Variants in CSMD2 observed in about 807,000 individuals in gnomAD.
CSMD2 encodes CUB and Sushi multiple domains 2, also known as CUB and sushi domain-containing protein 2.
A neutral mutation model predicts 398.5 loss-of-function variants in CSMD2; 130 were observed. That is an observed-to-expected ratio of 0.33 (90% CI 0.28 to 0.38). The LOEUF is 0.38. CSMD2 is among the 10% of genes least tolerant of loss of function. The pLI, the probability that CSMD2 is intolerant of heterozygous loss-of-function variation, is 1.00. For missense variants in CSMD2, 3,829 were observed against 4,764.9 expected (o/e 0.80, Z 5.78); for synonymous variants, 1,828 against 1,908.5 (o/e 0.96, Z 1.10).
At chr1:33,825,884 A>C (rs2125015902) in intron 6 of CSMD2, 110 bp from the exon 7 acceptor site, 1 of 839,310 alleles carries the variant, frequency 1.2e-6, no homozygotes, top group South Asian at 1.7e-5. Context: ...ATGGTGGGTC[A>C]AAGCCAGGAA....
intron 57 of CSMD2, among the ~76,000 whole-genome samples, chr1:33,544,763 C>T (rs1656709569): frequency 6.6e-6 from 1 of 151,022 alleles, no homozygotes; most frequent in Non-Finnish European, 1.5e-5. Context: ...AGTAGGGAGA[C>T]TATAGTCAAA....
intron 65 of CSMD2, 21 bp downstream of exon 65, chr1:33,527,175 A>G (rs1197769251): frequency 1.2e-6 from 2 of 1,609,470 alleles, no homozygotes; most frequent in Non-Finnish European, 1.7e-6. Context: ...TTCTTGAGCC[A>G]ATGATCTGGA....
chr1:33,996,435 G>A (rs979731961), intron 3 of CSMD2, among the ~76,000 whole-genome samples: 1 of 152,194 alleles, frequency 6.6e-6, no homozygotes, highest in Non-Finnish European at 1.5e-5. Context: ...TCAGCTGTCA[G>A]GGCACAACAC....
At chr1:34,025,435 C>T (rs531455877) in intron 3 of CSMD2, among the ~76,000 whole-genome samples, 11 of 152,210 alleles carry the variant, frequency 7.2e-5, no homozygotes, top group South Asian at 2.1e-4. Context: ...GCTCAATGAA[C>T]GAAGAAATCT....
chr1:33,662,834 G>T, intron 26 of CSMD2, 56 bp downstream of exon 26: 1 of 1,478,996 alleles, frequency 6.8e-7, no homozygotes, highest in Non-Finnish European at 9.5e-7. Context: ...CCAGAGGAAG[G>T]TGGGTGCCAT....
At chr1:33,622,080 C>T in intron 37 of CSMD2, 87 bp downstream of exon 37, 2 of 960,152 alleles carry the variant, frequency 2.1e-6, no homozygotes, top group South Asian at 1.3e-5. Context: ...CAATATGCAG[C>T]TCCAGTTTAA....
In CSMD2 at chr1:33,866,535, C is replaced by G. The variant is rs142862256; in HGVS notation, c.921-19539G>C. On this transcript the variant is annotated intron_variant, in intron 5 of 70. Coordinates refer to ENST00000373381, the MANE Select transcript of CSMD2 (RefSeq NM_001281956.2). ...ATTCCAACTTGGCTCTGCTTCTCTT[C>G]CCTCTCAGGAGACGCCCGCATTTTC... Among the ~76,000 whole-genome samples the G allele has an allele frequency of 2.7e-3, 405 of 152,350 alleles. 1 individual carries two copies. The highest frequency in any genetic ancestry group is 9.1e-3 in the African/African-American group (379 of 41,578).
chr1:33,844,784 T>C (rs1661198325), intron 6 of CSMD2, among the ~76,000 whole-genome samples: 1 of 152,226 alleles, frequency 6.6e-6, no homozygotes, highest in East Asian at 1.9e-4. Flanking sequence ...TGCCAAGCGC[T>C]TAAAATCTAG....
At chr1:33,991,735 A>C (rs1646559916) in intron 3 of CSMD2, among the ~76,000 whole-genome samples, 1 of 152,218 alleles carries the variant, frequency 6.6e-6, no homozygotes, top group South Asian at 2.1e-4. Flanking sequence ...AAGTCATTTA[A>C]GCTATCTGTC....
In CSMD2 at chr1:33,991,936, G is replaced by GA. The variant is rs1023226637; in HGVS notation, c.517+40657dup. On this transcript the variant is annotated intron_variant, in intron 3 of 70. Transcript: ENST00000373381. ...GGAGATATGAACAGGTAATCCACTT[G>GA]AAAAAAAAATCACAAACACAAATGG... is the stretch of plus-strand genomic sequence containing the variant. Among the ~76,000 whole-genome samples the GA allele has an allele frequency of 3.5e-4, 53 of 150,498 alleles. 1 individual carries two copies. The highest frequency in any genetic ancestry group is 3.4e-3 in the Middle Eastern group (1 of 290).
chr1:33,875,380 T>G (rs1449859657), intron 5 of CSMD2: 2 of 152,234 alleles, frequency 1.3e-5, no homozygotes, highest in African/African-American at 2.4e-5. Context: ...AATGTCATGC[T>G]CATGACTGAC....
intron 37 of CSMD2, 69 bp from the exon 38 acceptor site, chr1:33,617,686 G>T: frequency 8.5e-7 from 1 of 1,177,732 alleles, no homozygotes; most frequent in South Asian, 1.2e-5. Flanking sequence ...CGGTAGGCTG[G>T]GGTGAGATGC....
At chr1:33,653,718 A>G (rs1003508225) in intron 27 of CSMD2, among the ~76,000 whole-genome samples, 5 of 151,960 alleles carry the variant, frequency 3.3e-5, no homozygotes, top group African/African-American at 4.8e-5. Context: ...TGAGGACTGG[A>G]TAGAGTAAGA....
intron 4 of CSMD2, among the ~76,000 whole-genome samples, chr1:33,929,049 T>A (rs980065166): frequency 1.3e-5 from 2 of 152,190 alleles, no homozygotes; most frequent in Admixed American, 1.3e-4. Context: ...TTAGGGCACA[T>A]GCTTCCTGCC....
At position 33,961,071 on chromosome 1, in the gene CSMD2, A is replaced by C. The variant is rs1645342635; in HGVS notation, c.518-25117T>G. 2.0e-5 allele frequency among the ~76,000 whole-genome samples: 3 copies of C among 152,250 alleles called. No homozygotes were observed. In the South Asian group the frequency reaches 6.2e-4, roughly 31 times the overall value. On this transcript the variant is annotated intron_variant, in intron 3 of 70. Transcript: ENST00000373381. The stretch of plus-strand genomic sequence containing the variant: ...CCAGGCCATCAATGCGCTACAGCGC[A>C]TCAGCCCCCTCCCCTGCCAATCCCC...
rs10914762 is a variant in CSMD2, at chr1:33,678,481, C to T, written c.4052+14449G>A. On this transcript the variant is annotated intron_variant, in intron 25 of 70. Coordinates refer to ENST00000373381, the MANE Select transcript of CSMD2 (RefSeq NM_001281956.2). ...CACTGCAGGAACACAATAAACCCAT[C>T]GCTGATGTGAGTCATGATGGTGGAT... is the stretch of plus-strand genomic sequence containing the variant. 8.0e-3 allele frequency among the ~76,000 whole-genome samples: 1,217 copies of T among 152,156 alleles called. 16 individuals are homozygous for T. Among genetic ancestry groups the T allele is most frequent in the African/African-American group, 0.026 (1,100 of 41,510 alleles).
chr1:33,848,708 T>C (rs1278226758), intron 5 of CSMD2, among the ~76,000 whole-genome samples: 1 of 152,106 alleles, frequency 6.6e-6, no homozygotes, highest in African/African-American at 2.4e-5. Flanking sequence ...TGGTAAAAAC[T>C]ATTATAAAAA....
chr1:33,989,048 A>G (rs1241613017), intron 3 of CSMD2, among the ~76,000 whole-genome samples: 2 of 54,320 alleles, frequency 3.7e-5, no homozygotes, highest in Non-Finnish European at 9.4e-5. Flanking sequence ...ATATATATAT[A>G]TATATATATA....
Position 33,624,465 on chromosome 1 carries a change from G to C in CSMD2, c.5625+54C>G, listed in dbSNP as rs973991397. The C allele has an allele frequency of 4.4e-6, 7 of 1,599,970 alleles. No individual in the cohort carries two copies. Among genetic ancestry groups the C allele is most frequent in the Non-Finnish European group, 6.0e-6 (7 of 1,172,578 alleles). On this transcript the variant is annotated intron_variant, in intron 35 of 70. Transcript: ENST00000373381. The surrounding 1 kb of genome is among the most constrained non-coding windows in gnomAD (Gnocchi z 4.7). Reference sequence around the variant, plus strand: ...CACCTGTGGTTGTCACCTGTGAGCTGTTACCTGGGAGCAGACGGCCACCTG... The same window carrying C: ...CACCTGTGGTTGTCACCTGTGAGCTCTTACCTGGGAGCAGACGGCCACCTG...
Sources: allele counts gnomAD v4.1 joint callset (sites outside exome capture counted in the v4.1 genomes callset), GRCh38; gene constraint gnomAD v4.1.1; non-coding constraint Gnocchi (gnomAD v3.1); transcripts MANE v1.5; gene names NCBI Gene and HGNC (gene_info 2026-07-23, HGNC 2026-07-21).